The following CYP7B1 variants were observed in gnomAD, a reference collection of about 807,000 sequenced individuals.
The protein encoded by CYP7B1 is cytochrome P450 family 7 subfamily B member 1.
CYP7B1 carries 29 observed loss-of-function variants against 42.7 expected under a neutral mutation model. The observed-to-expected ratio is 0.68, with a 90% CI of 0.51 to 0.93. CYP7B1 has a LOEUF of 0.93. CYP7B1 is among the 40% of genes least tolerant of loss of function. The probability of loss-of-function intolerance (pLI) is 0.00; values close to 1 mark genes in which losing one functional copy is unlikely to be tolerated. For synonymous variants in CYP7B1, 235 were observed against 218.2 expected (o/e 1.08, Z -0.68); for missense variants, 655 against 600.5 (o/e 1.09, Z -0.95).
At chr8:64,770,299 T>C (rs1322023809) in intron 1 of CYP7B1, among the ~76,000 whole-genome samples, 1 of 152,176 alleles carries the variant, frequency 6.6e-6, no homozygotes, top group Non-Finnish European at 1.5e-5. Flanking sequence ...GTTTCAGAGT[T>C]GGAATAGATC....
In CYP7B1 at chr8:64,608,881, AT is replaced by A. The variant is rs138447357; in HGVS notation, c.1058-4025del. 5.7e-3 allele frequency among the ~76,000 whole-genome samples: 872 copies of A among 152,362 alleles called. 17 individuals carry two copies. The East Asian group carries it at 0.072, about 13-fold the overall frequency. Reference sequence around the variant, plus strand: ...TAAAAATAAATCTGAATTGGTACAAATGCCTATCTTCACTCTGCATCTCAGA... The same window carrying A: ...TAAAAATAAATCTGAATTGGTACAAAGCCTATCTTCACTCTGCATCTCAGA... On this transcript the variant is annotated intron_variant, in intron 4 of 5. Transcript: ENST00000310193.
chr8:64,775,430 A>G (rs1017590957), intron 1 of CYP7B1, among the ~76,000 whole-genome samples: 1 of 152,150 alleles, frequency 6.6e-6, no homozygotes, highest in Non-Finnish European at 1.5e-5. Context: ...TATAAAGAAA[A>G]TAGTCCACAG....
chr8:64,642,487 T>G (rs1805873151), intron 1 of CYP7B1, among the ~76,000 whole-genome samples: 2 of 152,150 alleles, frequency 1.3e-5, no homozygotes, highest in Non-Finnish European at 2.9e-5. Context: ...CCTTCACAGA[T>G]GATGATTTAT....
rs756920680 is a variant in CYP7B1 at position 64,624,543 on chromosome 8, C to T, written c.123-4G>A. ...CAATGGAGGCTCACCGGGTCTCCTA[C>T]AAGGAAAAAAAAAAAGATAAAAGAA... On this transcript the variant is annotated splice_region_variant and splice_polypyrimidine_tract_variant and intron_variant, in intron 1 of 5. Coordinates refer to ENST00000310193, the MANE Select transcript of CYP7B1 (RefSeq NM_004820.5). The T allele has an allele frequency of 6.2e-7, 1 of 1,602,828 alleles. No homozygotes were observed. Among genetic ancestry groups the T allele is most frequent in the African/African-American group, 1.4e-5 (1 of 72,654 alleles).
At chr8:64,796,407 T>G (rs1412328588) in intron 1 of CYP7B1, among the ~76,000 whole-genome samples, 1 of 152,148 alleles carries the variant, frequency 6.6e-6, no homozygotes, top group African/African-American at 2.4e-5. Flanking sequence ...ACATGAAAAT[T>G]TGGGATAAAA....
rs1474795848 is a variant in CYP7B1, at chr8:64,625,643, A to G, written c.123-1104T>C. 2.0e-5 allele frequency among the ~76,000 whole-genome samples: 3 copies of G among 152,220 alleles called. No individual in the cohort carries two copies. In the East Asian group the frequency reaches 5.8e-4, roughly 29 times the overall value. ...ATCTGCTATGTGCTTGGTGATGTGC[A>G]GTGGAACAGGCCAAATCTGAGTTCT... On this transcript the variant is annotated intron_variant, in intron 1 of 5. Transcript: ENST00000310193.
At chr8:64,689,400 G>A (rs1806704905) in intron 1 of CYP7B1, among the ~76,000 whole-genome samples, 1 of 152,176 alleles carries the variant, frequency 6.6e-6, no homozygotes, top group South Asian at 2.1e-4. Flanking sequence ...AGGCATGTAT[G>A]AGAAATATTA....
intron 1 of CYP7B1, among the ~76,000 whole-genome samples, chr8:64,651,932 CG>C (rs1806045529): frequency 6.6e-6 from 1 of 152,148 alleles, no homozygotes; most frequent in Admixed American, 6.6e-5. Flanking sequence ...ATACTGTTTA[CG>C]TTGCTGGGTG....
intron 5 of CYP7B1, among the ~76,000 whole-genome samples, chr8:64,603,445 G>C (rs1805231297): frequency 6.6e-6 from 1 of 152,040 alleles, no homozygotes; most frequent in Non-Finnish European, 1.5e-5. Context: ...ATGACTAGTG[G>C]AATAATCACA....
intron 1 of CYP7B1, among the ~76,000 whole-genome samples, chr8:64,717,374 G>A (rs1486630727): frequency 1.3e-5 from 2 of 152,134 alleles, no homozygotes; most frequent in South Asian, 2.1e-4. Flanking sequence ...TTGTACGACT[G>A]TTTATTGACT....
At chr8:64,662,968 T>C (rs757379400) in intron 1 of CYP7B1, among the ~76,000 whole-genome samples, 1 of 152,224 alleles carries the variant, frequency 6.6e-6, no homozygotes, top group Non-Finnish European at 1.5e-5. Context: ...TCTCCCTTTG[T>C]TCTACTCCTA....
chr8:64,737,898 A>C (rs1422715392), intron 1 of CYP7B1, among the ~76,000 whole-genome samples: 1 of 152,102 alleles, frequency 6.6e-6, no homozygotes, highest in Non-Finnish European at 1.5e-5. Context: ...TTTATGTTCT[A>C]CTTATTTGGT....
At chr8:64,665,510 A>G (rs1222307338) in intron 1 of CYP7B1, among the ~76,000 whole-genome samples, 1 of 151,018 alleles carries the variant, frequency 6.6e-6, no homozygotes, top group East Asian at 1.9e-4. Context: ...TAACTTAGCC[A>G]AACTGCTTCA....
intron 1 of CYP7B1, among the ~76,000 whole-genome samples, chr8:64,645,800 C>G (rs1012682247): frequency 3.8e-4 from 58 of 152,120 alleles, no homozygotes; most frequent in Non-Finnish European, 7.5e-4. Flanking sequence ...TCAAACTATA[C>G]TACAAGGCTA....
intron 1 of CYP7B1, among the ~76,000 whole-genome samples, chr8:64,690,014 A>C (rs1806714742): frequency 6.6e-6 from 1 of 152,244 alleles, no homozygotes; most frequent in Admixed American, 6.5e-5. Flanking sequence ...ATTTTAAAAG[A>C]ATATTCCAAT....
chr8:64,720,458 C>T (rs965387254), intron 1 of CYP7B1, among the ~76,000 whole-genome samples: 1 of 152,092 alleles, frequency 6.6e-6, no homozygotes, highest in East Asian at 1.9e-4. Context: ...TAATAATACT[C>T]TGAGCTTTAA....
At chr8:64,624,943 A>T (rs1466642412) in intron 1 of CYP7B1, among the ~76,000 whole-genome samples, 2 of 84,682 alleles carry the variant, frequency 2.4e-5, no homozygotes, top group Admixed American at 1.2e-4. Flanking sequence ...AAAGTCCATT[A>T]TATCATTCTT....
chr8:64,623,996 G>A (rs147363663), intron 2 of CYP7B1, among the ~76,000 whole-genome samples: 4 of 152,004 alleles, frequency 2.6e-5, no homozygotes, highest in African/African-American at 9.7e-5. Context: ...AACTGTGATT[G>A]GGGGGAGGGG....
intron 1 of CYP7B1, among the ~76,000 whole-genome samples, chr8:64,766,042 G>A (rs1490826050): frequency 6.6e-6 from 1 of 152,100 alleles, no homozygotes; most frequent in Non-Finnish European, 1.5e-5. Flanking sequence ...GCGATTTCTG[G>A]TATCTCAGTC....
Sources: allele counts gnomAD v4.1 joint callset (sites outside exome capture counted in the v4.1 genomes callset), GRCh38; gene constraint gnomAD v4.1.1; transcripts MANE v1.5; gene names NCBI Gene and HGNC (gene_info 2026-07-23, HGNC 2026-07-21).